The following SLIT3 variants were observed in gnomAD, a reference collection of about 807,000 sequenced individuals.
The protein encoded by SLIT3 is slit guidance ligand 3.
A neutral mutation model predicts 184.0 loss-of-function variants in SLIT3; 68 were observed. The observed-to-expected ratio is 0.37, with a 90% CI of 0.30 to 0.45. SLIT3 has a LOEUF of 0.45. Among genes scored for constraint, SLIT3 ranks in the 20% least tolerant of loss-of-function variants. The pLI is 1.00. For synonymous variants in SLIT3, 831 were observed against 828.6 expected (o/e 1.00, Z -0.05); for missense variants, 1,707 against 2,026.0 (o/e 0.84, Z 3.02).
chr5:168,704,131 C>T (rs539348214), intron 26 of SLIT3, among the ~76,000 whole-genome samples: 4 of 151,678 alleles, frequency 2.6e-5, no homozygotes, highest in South Asian at 2.1e-4. Flanking sequence ...GGCCTGACCT[C>T]GGATCTAATG....
intron 4 of SLIT3, among the ~76,000 whole-genome samples, chr5:168,972,376 T>TGTGTGTGTGTGTGTGTGTGTGTGA (rs1245225696): frequency 1.3e-5 from 2 of 150,676 alleles, no homozygotes; most frequent in African/African-American, 2.4e-5. Context: ...TGTGTGTGTG[T>TGTGTGTGTGTGTGTGTGTGTGTGA]GAAGAGAGAA....
chr5:169,209,826 A>T (rs1764199798), intron 3 of SLIT3, among the ~76,000 whole-genome samples: 2 of 152,176 alleles, frequency 1.3e-5, no homozygotes. Flanking sequence ...GGATAGCATT[A>T]AGAGAAATAC....
intron 14 of SLIT3, among the ~76,000 whole-genome samples, chr5:168,769,979 CG>C: frequency 2.0e-5 from 3 of 152,274 alleles, no homozygotes; most frequent in Middle Eastern, 3.4e-3. Context: ...TCTTGCTGTT[CG>C]CCGTCTTTGG....
chr5:169,187,938 A>G (rs1177370551), intron 4 of SLIT3, among the ~76,000 whole-genome samples: 2 of 151,454 alleles, frequency 1.3e-5, no homozygotes, highest in Non-Finnish European at 2.9e-5. Flanking sequence ...GCAAGCTCTC[A>G]CATCTGGTAA....
At chr5:168,883,397 C>A in intron 4 of SLIT3, 61 bp from the exon 5 acceptor site, 1 of 1,279,182 alleles carries the variant, frequency 7.8e-7, no homozygotes, top group South Asian at 1.2e-5. Context: ...ATCTGCATCT[C>A]ATTAAATGAT....
chr5:168,761,003 C>A (rs1201419871), intron 15 of SLIT3, 67 bp from the exon 16 acceptor site: 6 of 1,208,558 alleles, frequency 5.0e-6, no homozygotes, highest in Admixed American at 1.7e-5. Flanking sequence ...CCCCCCATGG[C>A]TTTGCTGCAT....
chr5:169,161,820 A>G (rs1221006058), intron 4 of SLIT3, among the ~76,000 whole-genome samples: 1 of 152,046 alleles, frequency 6.6e-6, no homozygotes, highest in Non-Finnish European at 1.5e-5. Context: ...GGCTGTCTGG[A>G]TTATAGCCCA....
chr5:168,793,370 T>C (rs1438942593), intron 10 of SLIT3, among the ~76,000 whole-genome samples: 2 of 152,156 alleles, frequency 1.3e-5, no homozygotes, highest in Non-Finnish European at 2.9e-5. Flanking sequence ...AATTAGGGTT[T>C]TGAAATCCAT....
At chr5:168,683,008 A>G (rs952051719) in intron 32 of SLIT3, among the ~76,000 whole-genome samples, 1 of 152,180 alleles carries the variant, frequency 6.6e-6, no homozygotes, top group African/African-American at 2.4e-5. Flanking sequence ...AAAATCTAAC[A>G]TATCCAACTA....
intron 6 of SLIT3, among the ~76,000 whole-genome samples, chr5:168,833,234 C>T (rs951091546): frequency 2.0e-5 from 3 of 152,228 alleles, no homozygotes; most frequent in African/African-American, 7.2e-5. Context: ...ACAGTCGAAA[C>T]TGAGCCACTT....
At chr5:169,296,337 C>T (rs79284503) in intron 1 of SLIT3, among the ~76,000 whole-genome samples, 3,157 of 152,278 alleles carry the variant, frequency 0.021, 48 homozygotes, top group Non-Finnish European at 0.033. Flanking sequence ...ACTAAGAAAA[C>T]CACTAAGACT....
intron 4 of SLIT3, among the ~76,000 whole-genome samples, chr5:169,136,109 C>T (rs1279338909): frequency 6.6e-6 from 1 of 152,152 alleles, no homozygotes; most frequent in Admixed American, 6.5e-5. Context: ...TCTTTTCCTA[C>T]CAAATAGGAG....
rs1200943817 is a variant in SLIT3 at position 168,760,303 on chromosome 5, C to T, written c.1685+559G>A. On this transcript the variant is annotated intron_variant, in intron 16 of 35. Coordinates refer to ENST00000519560, the MANE Select transcript of SLIT3 (RefSeq NM_003062.4). ...GCAGGGAGAGGGTTAGGATGATCTGCATCTCTGGCAGTGGAGAAGCCAACA... is the reference window on the plus strand; with the variant it reads ...GCAGGGAGAGGGTTAGGATGATCTGTATCTCTGGCAGTGGAGAAGCCAACA... Among the ~76,000 whole-genome samples the T allele has an allele frequency of 3.3e-5, 5 of 152,146 alleles. No homozygotes were observed. The East Asian group carries it at 9.6e-4, about 29-fold the overall frequency.
intron 3 of SLIT3, among the ~76,000 whole-genome samples, chr5:169,211,325 C>T (rs539851330): frequency 4.6e-5 from 7 of 152,336 alleles, no homozygotes; most frequent in African/African-American, 1.4e-4. Flanking sequence ...CTCCTACATC[C>T]TATTTTCCAT....
At chr5:169,061,114 G>A (rs960787474) in intron 4 of SLIT3, among the ~76,000 whole-genome samples, 4 of 152,138 alleles carry the variant, frequency 2.6e-5, no homozygotes, top group Admixed American at 6.5e-5. Context: ...CCACTAGCAC[G>A]GTTCTAGAAT....
chr5:168,688,039 G>A (rs1761799756), intron 29 of SLIT3, among the ~76,000 whole-genome samples: 1 of 152,152 alleles, frequency 6.6e-6, no homozygotes, highest in Non-Finnish European at 1.5e-5. Flanking sequence ...CTTGAGTGTG[G>A]GCCAGAAACA....
At chr5:169,260,135 TAAAAAAAATAAACAACTTTAA>T (rs1043970872) in intron 1 of SLIT3, among the ~76,000 whole-genome samples, 1 of 151,462 alleles carries the variant, frequency 6.6e-6, no homozygotes, top group African/African-American at 2.4e-5. Flanking sequence ...TGAGTAGTCT[TAAAAAAAATAAACAACTTTAA>T]AAAAAAAAAT....
intron 4 of SLIT3, among the ~76,000 whole-genome samples, chr5:169,034,448 C>T (rs1273883766): frequency 6.6e-6 from 1 of 152,118 alleles, no homozygotes; most frequent in Non-Finnish European, 1.5e-5. Flanking sequence ...GTTAAGGGTC[C>T]AATTTCGTTC....
intron 4 of SLIT3, among the ~76,000 whole-genome samples, chr5:169,182,441 A>G (rs1052402741): frequency 6.6e-6 from 1 of 152,256 alleles, no homozygotes; most frequent in Non-Finnish European, 1.5e-5. Flanking sequence ...ATGGAATTTA[A>G]TGTTCAAATC....
Sources: allele counts gnomAD v4.1 joint callset (sites outside exome capture counted in the v4.1 genomes callset), GRCh38; gene constraint gnomAD v4.1.1; transcripts MANE v1.5; gene names NCBI Gene and HGNC (gene_info 2026-07-23, HGNC 2026-07-21).